GPR139: variants seen among roughly 807,000 people sequenced by gnomAD.
GPR139 encodes probable G protein-coupled receptor 139.
GPR139 carries 12 observed loss-of-function variants against 25.8 expected under a neutral mutation model. The ratio of observed to expected loss-of-function variants is 0.47; its 90% CI spans 0.30 to 0.75. The LOEUF (loss-of-function observed/expected upper bound fraction) is 0.75, where lower values mean the gene tolerates loss of function less well. GPR139 is among the 30% of genes least tolerant of loss of function. GPR139 has a pLI of 0.07. For missense variants in GPR139, 380 were observed against 450.2 expected (o/e 0.84, Z 1.41); for synonymous variants, 184 against 179.9 (o/e 1.02, Z -0.18).
In GPR139 at chr16:20,032,287, C is replaced by T; in HGVS notation, c.510G>A (p.Trp170Ter). ...CAGAGGTGCTGATGTAGTCTTCAGTCCAGATGTTGGGCCACCAGTAATAGG... is the reference window on the plus strand; with the variant it reads ...CAGAGGTGCTGATGTAGTCTTCAGTTCAGATGTTGGGCCACCAGTAATAGG... ...SIPYYWWPNI[W>*]TEDYISTSVH... Residue 170 changes from tryptophan to a stop codon, truncating the protein, a stop_gained, in exon 2 of 2, where the codon TGG becomes TGA. Coordinates refer to ENST00000570682, the MANE Select transcript of GPR139 (RefSeq NM_001002911.4). LOFTEE classifies it high-confidence loss of function. 1 of 1,614,144 alleles carries T rather than the reference C, an allele frequency of 6.2e-7. No homozygotes were observed. The highest frequency in any genetic ancestry group is 1.1e-5 in the South Asian group (1 of 91,072).
At chr16:20,056,036 A>G (rs1484857062) in intron 1 of GPR139, among the ~76,000 whole-genome samples, 2 of 152,224 alleles carry the variant, frequency 1.3e-5, no homozygotes, top group Non-Finnish European at 2.9e-5. Flanking sequence ...TTTAGTGTCT[A>G]TCATAAAGAA....
chr16:20,049,102 G>A (rs758161732), intron 1 of GPR139, among the ~76,000 whole-genome samples: 2 of 152,144 alleles, frequency 1.3e-5, no homozygotes, highest in African/African-American at 2.4e-5. Flanking sequence ...CCCATTCACT[G>A]GGAGCCCCTG....
At chr16:20,050,574 G>A (rs991983730) in intron 1 of GPR139, among the ~76,000 whole-genome samples, 24 of 152,164 alleles carry the variant, frequency 1.6e-4, no homozygotes, top group Admixed American at 3.9e-4. Context: ...ACATCCCCAC[G>A]AGGCTTCTCT....
chr16:20,053,254 G>A (rs781538406), intron 1 of GPR139, among the ~76,000 whole-genome samples: 1 of 152,194 alleles, frequency 6.6e-6, no homozygotes, highest in African/African-American at 2.4e-5. Flanking sequence ...CAAATCAGAT[G>A]CAGGACAGAA....
rs972129287 is a variant in GPR139, at chr16:20,029,683, C to A, written c.*2052G>T. On this transcript the variant is annotated 3_prime_UTR_variant, in exon 2 of 2. Transcript: ENST00000570682. ...TACCATTCCACTCAATGAGCATACG[C>A]CCTGGGGAGCGTGGGAGATGGGAGA... Among the ~76,000 whole-genome samples, 1 of 152,058 alleles carries A rather than the reference C, an allele frequency of 6.6e-6. No individual in the cohort carries two copies. Among genetic ancestry groups the A allele is most frequent in the African/African-American group, 2.4e-5 (1 of 41,406 alleles).
rs2057289117 is a variant in GPR139 at position 20,031,681 on chromosome 16, C to A, written c.*54G>T. 1.4e-6 allele frequency: 2 copies of A among 1,400,874 alleles called. No homozygotes were observed. Among genetic ancestry groups the A allele is most frequent in the African/African-American group, 2.8e-5 (2 of 70,880 alleles). The allele number at this position is 1,400,874 out of a possible 1,614,324, so 86.8% of individuals were successfully genotyped here. A position where few individuals can be genotyped will look rare whatever the true frequency, so the allele number is the denominator to read the frequency against. ...AGCTGCTCAGCCATAGGATGGGACACCTTCCCATCTGGAAATGGATTAGAC... is the reference window on the plus strand; with the variant it reads ...AGCTGCTCAGCCATAGGATGGGACAACTTCCCATCTGGAAATGGATTAGAC... On this transcript the variant is annotated 3_prime_UTR_variant, in exon 2 of 2. Coordinates refer to ENST00000570682, the MANE Select transcript of GPR139 (RefSeq NM_001002911.4).
At chr16:20,037,939 C>T (rs2141202247) in intron 1 of GPR139, among the ~76,000 whole-genome samples, 1 of 152,266 alleles carries the variant, frequency 6.6e-6, no homozygotes, top group South Asian at 2.1e-4. Context: ...CGGCTCACTG[C>T]AACCTCCACC....
intron 1 of GPR139, among the ~76,000 whole-genome samples, chr16:20,066,223 G>A (rs1201306816): frequency 6.6e-6 from 1 of 152,188 alleles, no homozygotes; most frequent in East Asian, 1.9e-4. Context: ...GGCTGGCATT[G>A]GCTATCACCA....
At chr16:20,053,537 C>T (rs927986258) in intron 1 of GPR139, among the ~76,000 whole-genome samples, 10 of 152,144 alleles carry the variant, frequency 6.6e-5, no homozygotes, top group African/African-American at 1.4e-4. Flanking sequence ...GGCGTGTGGA[C>T]TGCAGGGAAA....
At chr16:20,071,895 T>G (rs549756635) in intron 1 of GPR139, among the ~76,000 whole-genome samples, 2 of 152,058 alleles carry the variant, frequency 1.3e-5, no homozygotes, top group Non-Finnish European at 2.9e-5. Context: ...TCTCACTCAG[T>G]AGAGGAGGTG....
At chr16:20,060,565 G>T (rs896475140) in intron 1 of GPR139, among the ~76,000 whole-genome samples, 1 of 152,120 alleles carries the variant, frequency 6.6e-6, no homozygotes, top group Admixed American at 6.5e-5. Context: ...GGAAATGTCT[G>T]TGGCTGAAAA....
At chr16:20,044,242 G>A (rs2057346423) in intron 1 of GPR139, among the ~76,000 whole-genome samples, 1 of 152,134 alleles carries the variant, frequency 6.6e-6, no homozygotes, top group South Asian at 2.1e-4. Flanking sequence ...CAGTCTTCTG[G>A]TATATTTCTT....
chr16:20,073,278 ACGCT>A lies in GPR139; in HGVS notation c.127+208_127+211del, dbSNP rs1303009142. ...CACACACACACACACACACACACAC[ACGCT>A]CGCGCGCGCACACACACACACACGG... On this transcript the variant is annotated intron_variant, in intron 1 of 1. Transcript: ENST00000570682. The surrounding 1 kb of genome is among the most constrained non-coding windows in gnomAD (Gnocchi z 4.7). Among the ~76,000 whole-genome samples the A allele has an allele frequency of 7.4e-6, 1 of 134,238 alleles. No homozygotes were observed. Among genetic ancestry groups the A allele is most frequent in the Admixed American group, 7.3e-5 (1 of 13,630 alleles). The allele number at this position is 134,238 out of a possible 152,430, so 88.1% of individuals were successfully genotyped here.
intron 1 of GPR139, among the ~76,000 whole-genome samples, chr16:20,052,613 C>T (rs1375938187): frequency 1.3e-5 from 2 of 152,060 alleles, no homozygotes; most frequent in Non-Finnish European, 2.9e-5. Context: ...CTGGCTAACA[C>T]GGTGAAACCC....
chr16:20,064,023 A>G (rs888541878), intron 1 of GPR139, among the ~76,000 whole-genome samples: 2 of 152,236 alleles, frequency 1.3e-5, no homozygotes, highest in Non-Finnish European at 2.9e-5. Context: ...AGCTAGCAAA[A>G]GCAGGGAAAA....
At chr16:20,063,479 C>T (rs191937833) in intron 1 of GPR139, among the ~76,000 whole-genome samples, 144 of 152,262 alleles carry the variant, frequency 9.5e-4, no homozygotes, top group Admixed American at 1.7e-3. Context: ...GCACTTCAGC[C>T]TGGGTGATAG....
At chr16:20,041,838 C>A (rs548839866) in intron 1 of GPR139, among the ~76,000 whole-genome samples, 1 of 152,178 alleles carries the variant, frequency 6.6e-6, no homozygotes, top group Admixed American at 6.5e-5. Context: ...AGTAGAGGCA[C>A]GAAGCTGGTT....
At chr16:20,036,017 T>A (rs2057308673) in intron 1 of GPR139, among the ~76,000 whole-genome samples, 1 of 152,210 alleles carries the variant, frequency 6.6e-6, no homozygotes, top group Non-Finnish European at 1.5e-5. Flanking sequence ...GGTACTCTTG[T>A]GGATACACAT....
chr16:20,051,789 T>C (rs1182296626), intron 1 of GPR139, among the ~76,000 whole-genome samples: 12 of 152,314 alleles, frequency 7.9e-5, no homozygotes, highest in Non-Finnish European at 1.6e-4. Context: ...CTCATGACTC[T>C]GGAGGAGTTT....
Sources: gnomAD v4.1 joint callset for allele counts (sites outside exome capture counted in the v4.1 genomes callset) on GRCh38, gnomAD v4.1.1 for gene constraint, Gnocchi (gnomAD v3.1) non-coding constraint, MANE v1.5 for transcripts, NCBI Gene and HGNC (gene_info 2026-07-23, HGNC 2026-07-21) for gene names.